Variants in DNAH14 observed in about 807,000 individuals in gnomAD.
The protein encoded by DNAH14 is dynein axonemal heavy chain 14, also known as axonemal beta dynein heavy chain 14.
Under a neutral mutation model 520.9 loss-of-function variants are expected in DNAH14, and 478 were observed. The observed-to-expected ratio is 0.92, with a 90% CI of 0.85 to 0.99. DNAH14 has a LOEUF of 0.99. Ranked by LOEUF, DNAH14 falls within the 50% of genes least tolerant of loss-of-function variation. DNAH14 has a pLI of 0.00. For synonymous variants in DNAH14, 1,581 were observed against 1,757.2 expected (o/e 0.90, Z 2.51); for missense variants, 4,831 against 5,234.5 (o/e 0.92, Z 2.38).
Position 225,335,347 on chromosome 1 carries a change from GTATA to G in DNAH14, c.10080+1843_10080+1846del, listed in dbSNP as rs774868579. Reference sequence around the variant, plus strand: ...CATATACACGTGTGTACATGTGTGTGTATATGCATATACACGTGTACATGTGTGT... The same window carrying G: ...CATATACACGTGTGTACATGTGTGTGTGCATATACACGTGTACATGTGTGT... On this transcript the variant is annotated intron_variant, in intron 66 of 85. Coordinates refer to ENST00000682510, the MANE Select transcript of DNAH14 (RefSeq NM_001367479.1). Among the ~76,000 whole-genome samples, 44 of 71,874 alleles carry G rather than the reference GTATA, an allele frequency of 6.1e-4. 7 individuals are homozygous for G. Among genetic ancestry groups the G allele is most frequent in the Middle Eastern group, 0.012 (2 of 166 alleles). The allele number at this position is 71,874 out of a possible 152,430, so 47.2% of individuals were successfully genotyped here.
intron 68 of DNAH14, among the ~76,000 whole-genome samples, chr1:225,339,450 T>A (rs1196039235): frequency 6.6e-6 from 1 of 152,224 alleles, no homozygotes; most frequent in Non-Finnish European, 1.5e-5. Flanking sequence ...AAGGTAACAG[T>A]CCTACGGGAC....
At chr1:225,270,693 AC>A (rs2093290242) in intron 49 of DNAH14, 41 bp from the exon 50 acceptor site, 1 of 1,534,310 alleles carries the variant, frequency 6.5e-7, no homozygotes. Flanking sequence ...TTCACTTCCT[AC>A]AGATACATTC....
intron 36 of DNAH14, among the ~76,000 whole-genome samples, chr1:225,174,412 A>C (rs146826904): frequency 6.6e-6 from 1 of 152,274 alleles, no homozygotes; most frequent in East Asian, 1.9e-4. Flanking sequence ...TTCACCTTCT[A>C]GGTATTTCAT....
chr1:225,003,013 T>C, intron 9 of DNAH14, 86 bp downstream of exon 9: 3 of 1,202,226 alleles, frequency 2.5e-6, no homozygotes, highest in Non-Finnish European at 3.3e-6. Context: ...AAATACAGAT[T>C]TCTAAATTCA....
intron 54 of DNAH14, among the ~76,000 whole-genome samples, chr1:225,288,246 G>A (rs1245052525): frequency 6.6e-6 from 1 of 152,028 alleles, no homozygotes; most frequent in East Asian, 1.9e-4. Context: ...ATAATCATGA[G>A]AAAAACAGCA....
intron 10 of DNAH14, among the ~76,000 whole-genome samples, chr1:225,010,680 C>T (rs977890468): frequency 1.8e-4 from 28 of 152,024 alleles, no homozygotes; most frequent in Non-Finnish European, 2.6e-4. Context: ...GTACCAGCTC[C>T]TCTTTGTACC....
intron 60 of DNAH14, among the ~76,000 whole-genome samples, chr1:225,316,427 T>C (rs1354597719): frequency 2.6e-5 from 4 of 152,210 alleles, no homozygotes; most frequent in African/African-American, 9.6e-5. Flanking sequence ...GCTAGTTTGG[T>C]GTCTGCCCAA....
intron 38 of DNAH14, among the ~76,000 whole-genome samples, chr1:225,198,308 T>A (rs1341193740): frequency 1.3e-5 from 2 of 151,828 alleles, no homozygotes; most frequent in African/African-American, 4.8e-5. Flanking sequence ...AGCTCTGCAT[T>A]CTGGGTTCAC....
chr1:225,051,961 G>A (rs2068579856), intron 17 of DNAH14, among the ~76,000 whole-genome samples, 166 bp downstream of exon 17: 1 of 152,130 alleles, frequency 6.6e-6, no homozygotes, highest in South Asian at 2.1e-4. Context: ...ATTTTAATGT[G>A]TATTACATTT....
intron 10 of DNAH14, among the ~76,000 whole-genome samples, chr1:225,018,190 A>G (rs2065370096): frequency 6.6e-6 from 1 of 152,222 alleles, no homozygotes; most frequent in South Asian, 2.1e-4. Flanking sequence ...GTTGAAGGAC[A>G]ACCTAACCAT....
At chr1:224,938,514 G>A (rs1429820787) in intron 1 of DNAH14, among the ~76,000 whole-genome samples, 1 of 152,092 alleles carries the variant, frequency 6.6e-6, no homozygotes, top group Non-Finnish European at 1.5e-5. Context: ...CAGTTAAAAC[G>A]ACTTGTATCA....
chr1:225,138,500 A>G (rs1006043144), intron 27 of DNAH14, among the ~76,000 whole-genome samples: 8 of 152,146 alleles, frequency 5.3e-5, no homozygotes, highest in Non-Finnish European at 8.8e-5. Context: ...ATGGATATGT[A>G]TGGGCAGATT....
At chr1:225,082,399 C>A in intron 19 of DNAH14, 150 bp from the exon 20 acceptor site, 1 of 561,972 alleles carries the variant, frequency 1.8e-6, no homozygotes, top group Non-Finnish European at 3.0e-6. Context: ...GTTAATAAAG[C>A]TCACTGCTTC....
intron 28 of DNAH14, 30 bp from the exon 29 acceptor site, chr1:225,144,367 T>G: frequency 6.9e-7 from 1 of 1,459,502 alleles, no homozygotes; most frequent in Non-Finnish European, 9.4e-7. Context: ...TTTAACCAAA[T>G]AATATGAACA....
At chr1:224,959,951 T>G (rs991182478) in intron 3 of DNAH14, among the ~76,000 whole-genome samples, 9 of 152,154 alleles carry the variant, frequency 5.9e-5, no homozygotes, top group African/African-American at 9.7e-5. Context: ...GATAGGTAAC[T>G]TACAAAGTAA....
chr1:225,073,872 G>A (rs1047821989), intron 17 of DNAH14, among the ~76,000 whole-genome samples: 8 of 151,520 alleles, frequency 5.3e-5, no homozygotes, highest in Non-Finnish European at 1.2e-4. Context: ...TAGTAGAGAC[G>A]GGCTTTCACC....
At chr1:225,042,773 AAAT>A in intron 12 of DNAH14, 59 bp from the exon 13 acceptor site, 1 of 1,480,674 alleles carries the variant, frequency 6.8e-7, no homozygotes, top group Non-Finnish European at 9.0e-7. Flanking sequence ...TCTGTATTCT[AAAT>A]TAAATGTTCT....
chr1:225,028,737 A>G (rs1212746757), intron 11 of DNAH14, among the ~76,000 whole-genome samples: 1 of 152,070 alleles, frequency 6.6e-6, no homozygotes, highest in Non-Finnish European at 1.5e-5. Context: ...AATACAAATT[A>G]AAATCACAAT....
chr1:225,103,924 T>C (rs1451662058), intron 23 of DNAH14, among the ~76,000 whole-genome samples: 3 of 138,196 alleles, frequency 2.2e-5, no homozygotes, highest in East Asian at 5.6e-4. Flanking sequence ...CTTCCAACAC[T>C]ATGTTGAATA....
Sources: allele counts gnomAD v4.1 joint callset (sites outside exome capture counted in the v4.1 genomes callset), GRCh38; gene constraint gnomAD v4.1.1; transcripts MANE v1.5; gene names NCBI Gene and HGNC (gene_info 2026-07-23, HGNC 2026-07-21).